Variants in CLNK observed in about 807,000 individuals in gnomAD.
CLNK encodes the protein cytokine-dependent hematopoietic cell linker.
A neutral mutation model predicts 68.6 loss-of-function variants in CLNK; 74 were observed. That is an observed-to-expected ratio of 1.08 (90% CI 0.89 to 1.31). The LOEUF (loss-of-function observed/expected upper bound fraction) is 1.31, where lower values mean the gene tolerates loss of function less well. Among genes scored for constraint, CLNK ranks in the 50% most tolerant of loss-of-function variants. CLNK has a pLI of 0.00. For missense variants in CLNK, 553 were observed against 515.3 expected (o/e 1.07, Z -0.71); for synonymous variants, 198 against 172.2 (o/e 1.15, Z -1.17).
At chr4:10,638,124 C>T (rs767224922) in intron 2 of CLNK, among the ~76,000 whole-genome samples, 11 of 152,186 alleles carry the variant, frequency 7.2e-5, no homozygotes, top group South Asian at 2.1e-4. Flanking sequence ...TTCTACACCA[C>T]GGCCTGACAT....
At chr4:10,700,479 TCA>T in the CLNK span, among the ~76,000 whole-genome samples, 2 of 152,202 alleles carry the variant, frequency 1.3e-5, no homozygotes, top group African/African-American at 4.8e-5. Context: ...TCACAGGGGT[TCA>T]CAGTTTCCAA....
At chr4:10,587,702 C>T (rs1445210357) in intron 3 of CLNK, among the ~76,000 whole-genome samples, 1 of 152,172 alleles carries the variant, frequency 6.6e-6, no homozygotes, top group Non-Finnish European at 1.5e-5. Flanking sequence ...CTGTTATCGC[C>T]TCAACTTTAC....
intron 2 of CLNK, among the ~76,000 whole-genome samples, chr4:10,619,702 TAAAC>T (rs1165108981): frequency 6.6e-6 from 1 of 152,172 alleles, no homozygotes; most frequent in Non-Finnish European, 1.5e-5. Flanking sequence ...AAGACAGAAT[TAAAC>T]AAACAGCAAC....
chr4:10,697,747 C>A, the CLNK span: 1 of 152,302 alleles, frequency 6.6e-6, no homozygotes, highest in East Asian at 1.9e-4. Context: ...GGTTCCCAAA[C>A]CTAAATTGGC....
chr4:10,701,512 T>C, the CLNK span, among the ~76,000 whole-genome samples: 1 of 152,216 alleles, frequency 6.6e-6, no homozygotes, highest in African/African-American at 2.4e-5. Flanking sequence ...AGGAGCCTGT[T>C]GTGCTGTGAG....
At chr4:10,674,461 G>T (rs953329861) in intron 1 of CLNK, among the ~76,000 whole-genome samples, 2 of 152,204 alleles carry the variant, frequency 1.3e-5, no homozygotes, top group African/African-American at 4.8e-5. Flanking sequence ...TGCTCATAAT[G>T]AATTTACTTT....
At chr4:10,557,298 G>T (rs1386858109) in intron 8 of CLNK, among the ~76,000 whole-genome samples, 1 of 152,026 alleles carries the variant, frequency 6.6e-6, no homozygotes, top group Non-Finnish European at 1.5e-5. Context: ...TCCGCCTGGG[G>T]ACACTGACCA....
chr4:10,725,817 G>A, the CLNK span, among the ~76,000 whole-genome samples: 13 of 151,426 alleles, frequency 8.6e-5, no homozygotes, highest in South Asian at 2.3e-3. Context: ...ATGCGCCACT[G>A]CACTCCAGCC....
intron 4 of CLNK, among the ~76,000 whole-genome samples, chr4:10,584,518 G>T (rs1720902419): frequency 6.6e-6 from 1 of 152,164 alleles, no homozygotes; most frequent in Admixed American, 6.5e-5. Flanking sequence ...AGGCATCAAA[G>T]GTGGCTTTTG....
chr4:10,514,321 G>A (rs1405021465), intron 15 of CLNK, among the ~76,000 whole-genome samples: 1 of 151,892 alleles, frequency 6.6e-6, no homozygotes, highest in African/African-American at 2.4e-5. Flanking sequence ...ATAAACATAC[G>A]TGTGCCTGTG....
chr4:10,533,757 A>G (rs1240523039), intron 11 of CLNK, among the ~76,000 whole-genome samples: 1 of 152,282 alleles, frequency 6.6e-6, no homozygotes, highest in East Asian at 1.9e-4. Flanking sequence ...TATTAAAGAT[A>G]CTGAAAGATT....
intron 2 of CLNK, among the ~76,000 whole-genome samples, chr4:10,603,689 G>C (rs569521264): frequency 7.2e-5 from 11 of 152,230 alleles, no homozygotes; most frequent in Non-Finnish European, 1.3e-4. Flanking sequence ...CGGGGAATGA[G>C]GGCTCTTCTG....
At chr4:10,660,361 T>C (rs1166323469) in intron 2 of CLNK, among the ~76,000 whole-genome samples, 1 of 152,220 alleles carries the variant, frequency 6.6e-6, no homozygotes, top group Non-Finnish European at 1.5e-5. Context: ...ATTATACATA[T>C]GATACTTCAA....
chr4:10,616,793 T>TATATATATATATATATATATAC (rs1722248799), intron 2 of CLNK, among the ~76,000 whole-genome samples: 13 of 3,016 alleles, frequency 4.3e-3, no homozygotes, highest in Admixed American at 8.8e-3. Flanking sequence ...TGTGTGTGTA[T>TATATATATATATATATATATAC]ATATATATAT....
chr4:10,565,369 G>A (rs1015276602), intron 6 of CLNK, among the ~76,000 whole-genome samples: 3 of 152,130 alleles, frequency 2.0e-5, no homozygotes, highest in Non-Finnish European at 4.4e-5. Flanking sequence ...AGTGGTTCAG[G>A]CCCTCAGAAA....
the CLNK span, among the ~76,000 whole-genome samples, chr4:10,692,410 G>A: frequency 6.6e-6 from 1 of 152,122 alleles, no homozygotes; most frequent in Non-Finnish European, 1.5e-5. Flanking sequence ...TGGTGATCCC[G>A]TGACTCAGGT....
Position 10,501,381 on chromosome 4 carries a change from T to C in CLNK, c.1015A>G (p.Thr339Ala). The change falls in exon 18 of 19, where the codon ACA becomes GCA. Residue 339 changes from threonine (T) to alanine (A), a missense_variant. Coordinates refer to ENST00000226951, the MANE Select transcript of CLNK (RefSeq NM_052964.4). ...ACATAGGGCTCTTCCTTGGATTTTG[T>C]GGAACAATCTCGGACCAAGAAACTA... ...DGSFLVRDCSTKSKEEPYVLA... is the reference protein window; with the variant it reads ...DGSFLVRDCSAKSKEEPYVLA... 1.9e-6 allele frequency: 3 copies of C among 1,610,268 alleles called. No individual in the cohort carries two copies. Among genetic ancestry groups the C allele is most frequent in the Non-Finnish European group, 2.5e-6 (3 of 1,178,894 alleles).
intron 2 of CLNK, among the ~76,000 whole-genome samples, chr4:10,627,554 G>A (rs770571081): frequency 5.3e-5 from 8 of 152,256 alleles, no homozygotes; most frequent in Non-Finnish European, 7.4e-5. Flanking sequence ...TGACTGGAGC[G>A]TAGTGGATAC....
intron 8 of CLNK, among the ~76,000 whole-genome samples, chr4:10,543,884 T>C (rs951391312): frequency 6.6e-6 from 1 of 152,228 alleles, no homozygotes; most frequent in Non-Finnish European, 1.5e-5. Context: ...ACACAAAATA[T>C]GACCCAGGAT....
Sources: gnomAD v4.1 joint callset for allele counts (sites outside exome capture counted in the v4.1 genomes callset) on GRCh38, gnomAD v4.1.1 for gene constraint, MANE v1.5 for transcripts, NCBI Gene and HGNC (gene_info 2026-07-23, HGNC 2026-07-21) for gene names.